TRPC4: variants seen among roughly 807,000 people sequenced by gnomAD.
TRPC4 encodes short transient receptor potential channel 4.
A neutral mutation model predicts 99.4 loss-of-function variants in TRPC4; 49 were observed. That is an observed-to-expected ratio of 0.49 (90% confidence interval 0.39 to 0.63). The LOEUF (loss-of-function observed/expected upper bound fraction) is 0.63, where lower values mean the gene tolerates loss of function less well. TRPC4 is among the 20% of genes least tolerant of loss of function. The pLI is 0.00. For synonymous variants in TRPC4, 454 were observed against 425.9 expected (o/e 1.07, Z -0.81); for missense variants, 898 against 1,152.9 (o/e 0.78, Z 3.20).
intron 3 of TRPC4, among the ~76,000 whole-genome samples, chr13:37,729,443 A>T (rs889555776): frequency 3.3e-5 from 5 of 152,220 alleles, no homozygotes; most frequent in Non-Finnish European, 7.4e-5. Flanking sequence ...AAATTAAAAA[A>T]AATACAATTA....
intron 2 of TRPC4, among the ~76,000 whole-genome samples, chr13:37,762,259 C>A (rs1216126823): frequency 6.6e-6 from 1 of 151,690 alleles, no homozygotes; most frequent in Admixed American, 6.6e-5. Context: ...TCCTCTCCAG[C>A]ACCTGTTGTT....
intron 8 of TRPC4, among the ~76,000 whole-genome samples, chr13:37,642,363 C>T (rs867617150): frequency 6.6e-6 from 1 of 152,216 alleles, no homozygotes; most frequent in African/African-American, 2.4e-5. Context: ...CTAGGGGTTC[C>T]AGCCTAGTGG....
chr13:37,803,363 G>A (rs1957453222), intron 1 of TRPC4, among the ~76,000 whole-genome samples: 1 of 151,916 alleles, frequency 6.6e-6, no homozygotes. Flanking sequence ...GACAGTGGCT[G>A]AGCTAAGAAA....
At chr13:37,768,813 A>G (rs1956465943) in intron 2 of TRPC4, among the ~76,000 whole-genome samples, 1 of 151,386 alleles carries the variant, frequency 6.6e-6, no homozygotes, top group Non-Finnish European at 1.5e-5. Context: ...AGGAAGAAGC[A>G]AAGACTCCCA....
intron 1 of TRPC4, among the ~76,000 whole-genome samples, chr13:37,868,515 T>TA (rs1787348354): frequency 6.6e-6 from 1 of 152,212 alleles, no homozygotes; most frequent in South Asian, 2.1e-4. Flanking sequence ...ACCTTTTGCT[T>TA]AAAGAATTTG....
intron 3 of TRPC4, among the ~76,000 whole-genome samples, chr13:37,738,386 AT>A (rs1448992392): frequency 2.0e-5 from 3 of 152,184 alleles, no homozygotes; most frequent in African/African-American, 7.2e-5. Context: ...AATCAGATAC[AT>A]TTGGGACCCA....
chr13:37,798,051 T>C (rs1424716607), intron 1 of TRPC4, among the ~76,000 whole-genome samples: 2 of 152,156 alleles, frequency 1.3e-5, no homozygotes, highest in African/African-American at 4.8e-5. Context: ...TTTCTAAAAT[T>C]CAATTACCTC....
In TRPC4 at chr13:37,654,625, C is replaced by T. The variant is rs539275184; in HGVS notation, c.1884+463G>A. ...TAATATTACTTCTCTTAATACATTGCTTTCCCTGAGCTTTAAGAAATTGAA... is the reference window on the plus strand; with the variant it reads ...TAATATTACTTCTCTTAATACATTGTTTTCCCTGAGCTTTAAGAAATTGAA... On this transcript the variant is annotated intron_variant, in intron 7 of 10. Coordinates refer to ENST00000379705, the MANE Select transcript of TRPC4 (RefSeq NM_016179.4). Among the ~76,000 whole-genome samples the T allele has an allele frequency of 9.9e-5, 15 of 152,258 alleles. No homozygotes were observed. The South Asian group carries it at 3.1e-3, about 32-fold the overall frequency.
chr13:37,667,101 A>G (rs536822725), intron 5 of TRPC4, among the ~76,000 whole-genome samples: 2 of 152,288 alleles, frequency 1.3e-5, no homozygotes, highest in South Asian at 2.1e-4. Context: ...ACAGGTCACC[A>G]AGTCAGAATT....
rs77161676 is a variant in TRPC4 at position 37,798,646 on chromosome 13, T to A, written c.-27-15286A>T. ...TCAATCAAATATTTTGTCTACATAG[T>A]ATCAGACACTGAGATGTCTATAAAT... On this transcript the variant is annotated intron_variant, in intron 1 of 10. Transcript: ENST00000379705. Among the ~76,000 whole-genome samples the A allele has an allele frequency of 7.7e-3, 1,178 of 152,304 alleles. 16 individuals are homozygous for A. In the East Asian group the frequency reaches 0.09, roughly 12 times the overall value.
Position 37,839,015 on chromosome 13 carries a change from A to G in TRPC4, c.-28+30580T>C, listed in dbSNP as rs555928513. Among the ~76,000 whole-genome samples the G allele has an allele frequency of 1.5e-3, 236 of 152,332 alleles. 1 individual carries two copies. Among genetic ancestry groups the G allele is most frequent in the Middle Eastern group, 6.8e-3 (2 of 294 alleles). On this transcript the variant is annotated intron_variant, in intron 1 of 10. Transcript: ENST00000379705. ...GGTACATCTGATATCATGCTCTTAT[A>G]TATATCTTATAAAGTTAGTCTGAGA...
intron 2 of TRPC4, among the ~76,000 whole-genome samples, chr13:37,760,371 T>C (rs1024184667): frequency 6.6e-6 from 1 of 151,978 alleles, no homozygotes; most frequent in Non-Finnish European, 1.5e-5. Context: ...TCTTAAGTAT[T>C]ATAATTTTTA....
At position 37,813,557 on chromosome 13, in the gene TRPC4, C is replaced by T. The variant is rs539918037; in HGVS notation, c.-27-30197G>A. On this transcript the variant is annotated intron_variant, in intron 1 of 10. Transcript: ENST00000379705. ...ATTAAGACTTAAACAGGGAACACTA[C>T]TACTGATGTTACAGAATTAAAAAAC... Among the ~76,000 whole-genome samples, 3 of 151,718 alleles carry T rather than the reference C, an allele frequency of 2.0e-5. No homozygotes were observed. The South Asian group carries it at 6.2e-4, about 32-fold the overall frequency.
chr13:37,758,675 C>T (rs962345937), intron 2 of TRPC4, among the ~76,000 whole-genome samples: 9 of 151,514 alleles, frequency 5.9e-5, no homozygotes, highest in East Asian at 1.9e-4. Flanking sequence ...AAGCTTAATT[C>T]GACATGTGTA....
At chr13:37,815,020 C>T (rs9576364) in intron 1 of TRPC4, among the ~76,000 whole-genome samples, 16,827 of 151,532 alleles carry the variant, frequency 0.11, 1,295 homozygotes, top group Admixed American at 0.25. Flanking sequence ...AGAAAATAAA[C>T]CCTTATGCTT....
chr13:37,754,189 G>A (rs758193876), intron 2 of TRPC4, among the ~76,000 whole-genome samples: 3 of 151,974 alleles, frequency 2.0e-5, no homozygotes, highest in African/African-American at 4.8e-5. Context: ...CGTTCTCAAC[G>A]CAGTCTATTT....
intron 3 of TRPC4, 87 bp from the exon 4 acceptor site, chr13:37,692,422 T>TA: frequency 1.7e-6 from 2 of 1,181,134 alleles, no homozygotes; most frequent in Non-Finnish European, 2.4e-6. Context: ...ATTGTGATCT[T>TA]TAAAGACAGA....
chr13:37,730,728 A>G (rs962817147), intron 3 of TRPC4, among the ~76,000 whole-genome samples: 1 of 152,032 alleles, frequency 6.6e-6, no homozygotes, highest in African/African-American at 2.4e-5. Flanking sequence ...GGCATTAAAT[A>G]TGCATTGTAT....
rs1440201257 is a variant in TRPC4 at position 37,636,951 on chromosome 13, G to A, written c.2886C>T (p.Asn962=). The change falls in exon 11 of 11, where the codon AAC becomes AAT. Residue 962 remains asparagine, a synonymous_variant. Transcript: ENST00000379705. ...CTTCGTGGGTGACTGTGTCTGGGAGGTTTAGATCATAGTCTATACTAGAGT... is the reference window on the plus strand; with the variant it reads ...CTTCGTGGGTGACTGTGTCTGGGAGATTTAGATCATAGTCTATACTAGAGT... ...EEDSSIDYDL[N]LPDTVTHEDY... 8 of 1,613,248 alleles carry A rather than the reference G, an allele frequency of 5.0e-6. No individual in the cohort carries two copies. In the African/African-American group the frequency reaches 5.3e-5, roughly 11 times the overall value.
Sources: gnomAD v4.1 joint callset for allele counts (sites outside exome capture counted in the v4.1 genomes callset) on GRCh38, gnomAD v4.1.1 for gene constraint, MANE v1.5 for transcripts, NCBI Gene and HGNC (gene_info 2026-07-23, HGNC 2026-07-21) for gene names.